The following VBP1 variants were observed in gnomAD, a reference collection of about 807,000 sequenced individuals.
VBP1 encodes VHL binding protein 1, also known as prefoldin subunit 3.
VBP1 carries 4 observed loss-of-function variants against 15.5 expected under a neutral mutation model. That is an observed-to-expected ratio of 0.26 (90% CI 0.13 to 0.59). The LOEUF is 0.59. Among genes scored for constraint, VBP1 ranks in the 20% least tolerant of loss-of-function variants. The pLI is 0.90. For missense variants in VBP1, 108 were observed against 139.6 expected (o/e 0.77, Z 1.14); for synonymous variants, 61 against 52.1 (o/e 1.17, Z -0.74).
chrX:155,209,376 G>A (rs2074637238), intron 2 of VBP1, among the ~76,000 whole-genome samples: 1 of 112,246 alleles, frequency 8.9e-6, no homozygotes, highest in Non-Finnish European at 1.9e-5. Flanking sequence ...TAGACAGAGA[G>A]TTAACAGAGT....
chrX:155,198,760 A>G (rs2074588965), intron 1 of VBP1, among the ~76,000 whole-genome samples: 1 of 112,408 alleles, frequency 8.9e-6, no homozygotes, highest in Non-Finnish European at 1.9e-5. Flanking sequence ...CTGGACAGAG[A>G]ATGACTTTGA....
chrX:155,227,394 G>C (rs2074724526), intron 3 of VBP1, 93 bp downstream of exon 3: 9 of 605,126 alleles, frequency 1.5e-5, no homozygotes, highest in Non-Finnish European at 2.0e-5. Context: ...TATTTGATCT[G>C]TGCTGTGGAA....
chrX:155,236,927 G>A (rs1198271007), intron 5 of VBP1, among the ~76,000 whole-genome samples: 1 of 112,333 alleles, frequency 8.9e-6, no homozygotes, highest in African/African-American at 3.2e-5. Flanking sequence ...AGAAAAGAGT[G>A]GCAGTGCCTT....
At chrX:155,202,631 G>A (rs1272358047) in intron 1 of VBP1, among the ~76,000 whole-genome samples, 8 of 106,997 alleles carry the variant, frequency 7.5e-5, no homozygotes, top group Admixed American at 1.0e-4. Context: ...AGACTTAAAC[G>A]TTAGACCTAA....
chrX:155,226,858 G>A (rs2074722162), intron 2 of VBP1, among the ~76,000 whole-genome samples: 1 of 111,447 alleles, frequency 9.0e-6, no homozygotes, highest in Non-Finnish European at 1.9e-5. Flanking sequence ...TCACCTCTGT[G>A]GAATATAGTC....
intron 5 of VBP1, among the ~76,000 whole-genome samples, chrX:155,238,069 G>A (rs782687639): frequency 8.9e-6 from 1 of 111,818 alleles, no homozygotes; most frequent in African/African-American, 3.3e-5. Flanking sequence ...AAAAAAACAG[G>A]ATCCAGTGAC....
At chrX:155,221,138 C>T (rs1373160443) in intron 2 of VBP1, among the ~76,000 whole-genome samples, 1 of 111,140 alleles carries the variant, frequency 9.0e-6, no homozygotes, top group Non-Finnish European at 1.9e-5. Flanking sequence ...TGAAACCACC[C>T]TGGGCAACAT....
chrX:155,238,074 A>C (rs1484570936), intron 5 of VBP1, among the ~76,000 whole-genome samples: 1 of 111,938 alleles, frequency 8.9e-6, no homozygotes, highest in Non-Finnish European at 1.9e-5. Context: ...AACAGGATCC[A>C]GTGACTTAGA....
chrX:155,202,382 A>G (rs1450054864), intron 1 of VBP1, among the ~76,000 whole-genome samples: 1 of 111,767 alleles, frequency 8.9e-6, no homozygotes, highest in Non-Finnish European at 1.9e-5. Flanking sequence ...AGTAACCAAA[A>G]CAGCATGGTA....
intron 4 of VBP1, among the ~76,000 whole-genome samples, chrX:155,235,832 C>G (rs1224081227): frequency 1.8e-5 from 2 of 112,066 alleles, no homozygotes; most frequent in Non-Finnish European, 3.8e-5. Flanking sequence ...TATCCTGATT[C>G]TCCCATTTAC....
In VBP1 at chrX:155,216,549, C is replaced by T. The variant is rs2074665316; in HGVS notation, c.67C>T (p.Leu23=). 2.2e-5 allele frequency: 26 copies of T among 1,169,816 alleles called. No homozygotes were observed. Among genetic ancestry groups the T allele is most frequent in the South Asian group, 3.8e-5 (2 of 52,823 alleles). Residue 23 remains leucine (L), a synonymous_variant, in exon 1 of 6, where the codon CTG becomes TTG. Transcript: ENST00000286428. ...CACAGGGAATGGGCGGCGGCTCCAC[C>T]TGGGGATTCCTGAGGCCGTGTTTGT... ...MATGNGRRLH[L]GIPEAVFVED...
intron 3 of VBP1, among the ~76,000 whole-genome samples, chrX:155,228,077 C>G (rs1159563292): frequency 9.0e-6 from 1 of 111,340 alleles, no homozygotes; most frequent in Non-Finnish European, 1.9e-5. Context: ...GTGTGTGTGT[C>G]TGTGTATACT....
chrX:155,225,224 A>T (rs2074713708), intron 2 of VBP1, among the ~76,000 whole-genome samples: 1 of 111,190 alleles, frequency 9.0e-6, no homozygotes, highest in Non-Finnish European at 1.9e-5. Context: ...GGTGGGGGTA[A>T]TTTAAGTCAC....
chrX:155,199,888 G>A (rs1250027001), intron 1 of VBP1, among the ~76,000 whole-genome samples: 3 of 111,795 alleles, frequency 2.7e-5, no homozygotes, highest in Admixed American at 9.5e-5. Flanking sequence ...GACACACATA[G>A]GCTCAAAATA....
chrX:155,225,931 A>G (rs1212814667), intron 2 of VBP1, among the ~76,000 whole-genome samples: 1 of 111,977 alleles, frequency 8.9e-6, no homozygotes, highest in Non-Finnish European at 1.9e-5. Flanking sequence ...CTCATTTAAC[A>G]CATTTCTTGC....
At position 155,236,252 on chromosome X, in the gene VBP1, T is replaced by C. The variant is rs782436089; in HGVS notation, c.408T>C (p.Asp136=). ...AGGCTAATGTAATGCTTGAATATGA[T>C]ATTGATGAAGCTCAGGCATTGTTGG... ...WLGANVMLEY[D]IDEAQALLEK... Residue 136 remains aspartate, a synonymous_variant, in exon 5 of 6, where the codon GAT becomes GAC. Coordinates refer to ENST00000286428, the MANE Select transcript of VBP1 (RefSeq NM_003372.7). 16 of 1,210,513 alleles carry C rather than the reference T, an allele frequency of 1.3e-5. No individual in the cohort carries two copies. The South Asian group carries it at 2.8e-4, about 21-fold the overall frequency.
chrX:155,230,867 G>T (rs1260316985), intron 4 of VBP1, among the ~76,000 whole-genome samples: 1 of 111,194 alleles, frequency 9.0e-6, no homozygotes, highest in African/African-American at 3.3e-5. Flanking sequence ...TGGTAGAGAC[G>T]GGGTTTTGCC....
At chrX:155,221,201 A>G (rs972024292) in intron 2 of VBP1, among the ~76,000 whole-genome samples, 5 of 110,889 alleles carry the variant, frequency 4.5e-5, no homozygotes, top group Non-Finnish European at 7.6e-5. Context: ...ACGTGGTGGC[A>G]TGCGCTTGTA....
upstream of VBP1, among the ~76,000 whole-genome samples, chrX:155,215,229 C>CA (rs2074658234): frequency 9.0e-6 from 1 of 111,516 alleles, no homozygotes; most frequent in Admixed American, 9.5e-5. Context: ...TTTTCAAAAA[C>CA]AAAATTTTTT....
Sources: allele counts gnomAD v4.1 joint callset (sites outside exome capture counted in the v4.1 genomes callset), GRCh38; gene constraint gnomAD v4.1.1; transcripts MANE v1.5; gene names NCBI Gene and HGNC (gene_info 2026-07-23, HGNC 2026-07-21).